The following ZNF532 variants were observed in gnomAD, a reference collection of about 807,000 sequenced individuals.
ZNF532 encodes the protein zinc finger protein 532.
In ZNF532, 22 loss-of-function variants were observed where a neutral mutation model predicts 89.3. The ratio of observed to expected loss-of-function variants is 0.25; its 90% CI spans 0.18 to 0.35. The LOEUF is 0.35. Ranked by LOEUF, ZNF532 falls within the 10% of genes least tolerant of loss-of-function variation. The pLI is 1.00. For missense variants in ZNF532, 1,132 were observed against 1,643.4 expected (o/e 0.69, Z 5.38); for synonymous variants, 606 against 649.6 (o/e 0.93, Z 1.02).
At chr18:58,901,611 T>C (rs1421812114) in intron 2 of ZNF532, among the ~76,000 whole-genome samples, 2 of 152,304 alleles carry the variant, frequency 1.3e-5, no homozygotes, top group Non-Finnish European at 1.5e-5. Flanking sequence ...CAAAGTGGAA[T>C]CTGGAACTTT....
At chr18:58,903,300 G>A (rs561271280) in intron 2 of ZNF532, among the ~76,000 whole-genome samples, 2 of 152,296 alleles carry the variant, frequency 1.3e-5, no homozygotes, top group East Asian at 1.9e-4. Context: ...CTGGGCCTGC[G>A]AAAAACACAC....
At chr18:58,916,189 A>C (rs1174570190) in intron 2 of ZNF532, among the ~76,000 whole-genome samples, 1 of 152,236 alleles carries the variant, frequency 6.6e-6, no homozygotes, top group Non-Finnish European at 1.5e-5. Flanking sequence ...TATTGTGAGT[A>C]TTCCATTTAC....
At chr18:58,890,256 A>G (rs2058790441) in intron 2 of ZNF532, among the ~76,000 whole-genome samples, 1 of 151,746 alleles carries the variant, frequency 6.6e-6, no homozygotes, top group African/African-American at 2.4e-5. Context: ...TGAGTTATAT[A>G]TATATACACA....
chr18:58,943,005 A>C (rs1183440271), intron 5 of ZNF532, among the ~76,000 whole-genome samples: 1 of 152,062 alleles, frequency 6.6e-6, no homozygotes, highest in African/African-American at 2.4e-5. Flanking sequence ...AATTTACTGC[A>C]TTTACTCTGT....
At position 58,920,060 on chromosome 18, in the gene ZNF532, C is replaced by T; in HGVS notation, c.1773C>T (p.Val591=). The T allele has an allele frequency of 1.2e-6, 2 of 1,613,940 alleles. No homozygotes were observed. The highest frequency in any genetic ancestry group is 2.2e-5 in the South Asian group (2 of 91,052). The change falls in exon 3 of 10, where the codon GTC becomes GTT. Residue 591 remains valine, a synonymous_variant. Transcript: ENST00000591808. ...CTTTCAACAAGGTGCTGAGCAGTGTCAATCCAGTCCCTGTTTACATCCCAA... is the reference window on the plus strand; with the variant it reads ...CTTTCAACAAGGTGCTGAGCAGTGTTAATCCAGTCCCTGTTTACATCCCAA... The part of the protein sequence containing the change: ...VEAFNKVLSS[V]NPVPVYIPNL...
At chr18:58,939,837 G>T (rs1166550370) in intron 5 of ZNF532, 2 of 386,210 alleles carry the variant, frequency 5.2e-6, no homozygotes, top group Non-Finnish European at 4.6e-6. Flanking sequence ...TATTATTTAT[G>T]CTCTTGTCAC....
At chr18:58,973,877 C>T (rs1332806981) in intron 7 of ZNF532, among the ~76,000 whole-genome samples, 3 of 152,002 alleles carry the variant, frequency 2.0e-5, no homozygotes, top group Non-Finnish European at 4.4e-5. Flanking sequence ...GTGAAAGAAG[C>T]GAGACTCAAA....
At chr18:58,891,144 C>T (rs537426480) in intron 2 of ZNF532, among the ~76,000 whole-genome samples, 1 of 152,282 alleles carries the variant, frequency 6.6e-6, no homozygotes, top group African/African-American at 2.4e-5. Context: ...TGGTCTCGAT[C>T]CCTTGATCTT....
intron 2 of ZNF532, among the ~76,000 whole-genome samples, chr18:58,870,935 C>T (rs1324247534): frequency 6.6e-6 from 1 of 152,084 alleles, no homozygotes; most frequent in Non-Finnish European, 1.5e-5. Flanking sequence ...TTGCCTCTGG[C>T]TCTGTGAGTC....
intron 7 of ZNF532, among the ~76,000 whole-genome samples, chr18:58,962,809 G>A (rs959374365): frequency 1.3e-5 from 2 of 152,074 alleles, no homozygotes; most frequent in Admixed American, 1.3e-4. Context: ...CACCATGTTA[G>A]CCAGGATGGT....
intron 9 of ZNF532, among the ~76,000 whole-genome samples, chr18:58,982,437 G>A (rs1052866259): frequency 1.6e-4 from 24 of 151,366 alleles, no homozygotes; most frequent in Non-Finnish European, 7.4e-5. Context: ...CCTGGCCAAC[G>A]TGGTGAAACC....
intron 7 of ZNF532, among the ~76,000 whole-genome samples, chr18:58,958,065 C>CAAA (rs71336311): frequency 0.11 from 13,093 of 124,314 alleles, 719 homozygotes; most frequent in Admixed American, 0.17. Flanking sequence ...GACAATGTGT[C>CAAA]AAAAAAAAAA....
chr18:58,918,135 T>C, intron 2 of ZNF532, 136 bp from the exon 3 acceptor site: 2 of 765,716 alleles, frequency 2.6e-6, no homozygotes, highest in South Asian at 3.8e-5. Context: ...ACTCAGAGTT[T>C]CGTAGTTACC....
chr18:58,873,654 A>G (rs983744860), intron 2 of ZNF532, among the ~76,000 whole-genome samples: 4 of 152,020 alleles, frequency 2.6e-5, no homozygotes, highest in African/African-American at 7.3e-5. Context: ...GGGTAACACC[A>G]TGTCTCTATC....
intron 7 of ZNF532, among the ~76,000 whole-genome samples, chr18:58,959,260 G>GTTTTTTTTTTTTTTTTTTTTT (rs1459830009): frequency 7.8e-6 from 1 of 128,708 alleles, no homozygotes; most frequent in African/African-American, 3.3e-5. Context: ...TTTGTTTTTT[G>GTTTTTTTTTTTTTTTTTTTTT]TTTTTTTTTG....
intron 7 of ZNF532, among the ~76,000 whole-genome samples, chr18:58,962,858 C>T (rs2065501625): frequency 6.6e-6 from 1 of 152,040 alleles, no homozygotes; most frequent in Non-Finnish European, 1.5e-5. Flanking sequence ...GCCTCGGCCT[C>T]CCAAAGTGCT....
At chr18:58,870,450 G>A (rs1214619873) in intron 2 of ZNF532, among the ~76,000 whole-genome samples, 1 of 152,196 alleles carries the variant, frequency 6.6e-6, no homozygotes, top group Non-Finnish European at 1.5e-5. Context: ...GAAAGGTCTG[G>A]GGAGAGCTTG....
intron 7 of ZNF532, among the ~76,000 whole-genome samples, chr18:58,968,167 TTATCTC>T (rs1391909010): frequency 6.6e-6 from 1 of 152,186 alleles, no homozygotes; most frequent in Non-Finnish European, 1.5e-5. Context: ...CTTTTCCTGT[TTATCTC>T]TAAGGGGCCC....
intron 2 of ZNF532, among the ~76,000 whole-genome samples, chr18:58,904,395 ATGTTTTGTG>A (rs913465341): frequency 1.3e-5 from 2 of 151,992 alleles, no homozygotes; most frequent in Non-Finnish European, 2.9e-5. Flanking sequence ...GGTAAATTTT[ATGTTTTGTG>A]TGTTTTACCA....
Sources: gnomAD v4.1 joint callset for allele counts (sites outside exome capture counted in the v4.1 genomes callset) on GRCh38, gnomAD v4.1.1 for gene constraint, MANE v1.5 for transcripts, NCBI Gene and HGNC (gene_info 2026-07-23, HGNC 2026-07-21) for gene names.